KALRN: variants seen among roughly 807,000 people sequenced by gnomAD.
The protein encoded by KALRN is kalirin RhoGEF kinase, also known as kalirin.
A neutral mutation model predicts 353.7 loss-of-function variants in KALRN; 70 were observed. The observed-to-expected ratio is 0.20, with a 90% confidence interval of 0.16 to 0.24. The LOEUF is 0.24. KALRN is among the 10% of genes least tolerant of loss of function. The pLI, the probability that KALRN is intolerant of heterozygous loss-of-function variation, is 1.00. For missense variants in KALRN, 2,791 were observed against 3,756.7 expected, an observed-to-expected ratio of 0.74 and a Z score of 6.72; for synonymous variants, 1,391 against 1,434.8, an observed-to-expected ratio of 0.97 and a Z score of 0.69.
intron 33 of KALRN, among the ~76,000 whole-genome samples, chr3:124,498,440 A>G (rs140201963): frequency 5.8e-4 from 89 of 152,350 alleles, no homozygotes; most frequent in African/African-American, 2.0e-3. Context: ...CATGCAGCAC[A>G]TAGAGGCTCA....
At chr3:124,253,877 C>T (rs184029786) in intron 3 of KALRN, among the ~76,000 whole-genome samples, 1 of 152,332 alleles carries the variant, frequency 6.6e-6, no homozygotes, top group Admixed American at 6.5e-5. Flanking sequence ...TCTTCATCCC[C>T]CTGACTGGTC....
chr3:124,196,892 A>G (rs939217686), intron 1 of KALRN, among the ~76,000 whole-genome samples: 5 of 151,136 alleles, frequency 3.3e-5, no homozygotes, highest in African/African-American at 1.2e-4. Flanking sequence ...TAATACTAGG[A>G]GGCAGGTGCT....
chr3:124,204,743 C>G (rs1014489928), intron 1 of KALRN, among the ~76,000 whole-genome samples: 1 of 152,200 alleles, frequency 6.6e-6, no homozygotes, highest in Non-Finnish European at 1.5e-5. Flanking sequence ...GAATTTACCT[C>G]AAGGGACCTG....
At chr3:124,235,672 A>T (rs575842351) in intron 3 of KALRN, among the ~76,000 whole-genome samples, 8 of 152,182 alleles carry the variant, frequency 5.3e-5, no homozygotes, top group South Asian at 2.1e-4. Context: ...TTGGTCTAGA[A>T]CTCAACCCTC....
chr3:124,319,194 A>T (rs1670462531), intron 6 of KALRN, among the ~76,000 whole-genome samples: 1 of 151,964 alleles, frequency 6.6e-6, no homozygotes, highest in African/African-American at 2.4e-5. Context: ...TAAAATTAAA[A>T]ATACCAAATG....
chr3:124,560,885 G>A (rs1010626394), intron 33 of KALRN, among the ~76,000 whole-genome samples: 2 of 152,122 alleles, frequency 1.3e-5, no homozygotes, highest in African/African-American at 4.8e-5. Context: ...TGGGGGCAGT[G>A]GAAGGCATTC....
At chr3:124,584,876 G>T in intron 34 of KALRN, 1 of 1,606,004 alleles carries the variant, frequency 6.2e-7, no homozygotes, top group Non-Finnish European at 8.5e-7. Context: ...GTGGCTCTTT[G>T]CTAAGTGCTG....
chr3:124,462,659 T>C (rs2059962993), intron 25 of KALRN, 26 bp downstream of exon 25: 1 of 1,366,008 alleles, frequency 7.3e-7, no homozygotes, highest in Non-Finnish European at 1.0e-6. Context: ...GTCTCAGAGG[T>C]GCACACTTAG....
At chr3:124,430,883 C>A (rs2093240853) in intron 16 of KALRN, 108 bp downstream of exon 16, 1 of 1,343,504 alleles carries the variant, frequency 7.4e-7, no homozygotes, top group South Asian at 1.5e-5. Flanking sequence ...AAGGCTGTAC[C>A]CCTTCTAGTA....
intron 47 of KALRN, among the ~76,000 whole-genome samples, chr3:124,669,496 A>G (rs1229184764): frequency 6.6e-6 from 1 of 152,254 alleles, no homozygotes; most frequent in African/African-American, 2.4e-5. Context: ...CAATTATTGT[A>G]AATAACCAGG....
At chr3:124,664,242 G>C (rs1427418553) in intron 45 of KALRN, among the ~76,000 whole-genome samples, 3 of 152,028 alleles carry the variant, frequency 2.0e-5, no homozygotes, top group Non-Finnish European at 4.4e-5. Context: ...GCTTCTCTGG[G>C]TCTCTGGAGG....
At chr3:124,597,367 T>C (rs1405968705) in intron 34 of KALRN, among the ~76,000 whole-genome samples, 1 of 152,146 alleles carries the variant, frequency 6.6e-6, no homozygotes, top group Non-Finnish European at 1.5e-5. Context: ...AATCAGTTGC[T>C]AAAGACAATA....
chr3:124,543,057 T>C (rs926708591), intron 33 of KALRN, among the ~76,000 whole-genome samples: 3 of 152,138 alleles, frequency 2.0e-5, no homozygotes, highest in African/African-American at 7.2e-5. Context: ...TGCGGACCTC[T>C]CTCTAGGGCT....
intron 59 of KALRN, 97 bp from the exon 60 acceptor site, chr3:124,718,828 T>C (rs2063287695): frequency 2.6e-6 from 3 of 1,135,546 alleles, no homozygotes; most frequent in Non-Finnish European, 3.9e-6. Context: ...TATCAAAGAA[T>C]AGCATAACTG....
At chr3:124,361,997 C>A (rs2084098383) in intron 10 of KALRN, among the ~76,000 whole-genome samples, 1 of 152,130 alleles carries the variant, frequency 6.6e-6, no homozygotes, top group South Asian at 2.1e-4. Context: ...TGCTTTCCAG[C>A]CCCCCTGAGA....
At chr3:124,260,559 A>G (rs907274744) in intron 3 of KALRN, among the ~76,000 whole-genome samples, 2 of 152,258 alleles carry the variant, frequency 1.3e-5, no homozygotes, top group East Asian at 3.9e-4. Flanking sequence ...CTGGAAAGAG[A>G]TACCCATGGG....
intron 33 of KALRN, among the ~76,000 whole-genome samples, chr3:124,539,779 G>T (rs2068836903): frequency 6.6e-6 from 1 of 150,966 alleles, no homozygotes; most frequent in Non-Finnish European, 1.5e-5. Context: ...GTTTTTTTTT[G>T]AGATAGGTCT....
chr3:124,124,569 A>G (rs996875411), intron 1 of KALRN, among the ~76,000 whole-genome samples: 2 of 152,226 alleles, frequency 1.3e-5, no homozygotes, highest in African/African-American at 4.8e-5. Flanking sequence ...AAATGCTATC[A>G]CACTGCATCA....
intron 21 of KALRN, among the ~76,000 whole-genome samples, chr3:124,453,562 G>A (rs1217407264): frequency 6.6e-6 from 1 of 152,188 alleles, no homozygotes; most frequent in Non-Finnish European, 1.5e-5. Flanking sequence ...TGTTTTTTCT[G>A]CTGTTGCTCC....
Sources: gnomAD v4.1 joint callset for allele counts (sites outside exome capture counted in the v4.1 genomes callset) on GRCh38, gnomAD v4.1.1 for gene constraint, MANE v1.5 for transcripts, NCBI Gene and HGNC (gene_info 2026-07-23, HGNC 2026-07-21) for gene names.